Variants in DIP2C observed in about 807,000 individuals in gnomAD.
DIP2C encodes disco-interacting protein 2 homolog C.
DIP2C carries 33 observed loss-of-function variants against 192.4 expected under a neutral mutation model. That is an observed-to-expected ratio of 0.17 (90% confidence interval 0.13 to 0.23). The LOEUF (loss-of-function observed/expected upper bound fraction) is 0.23, where lower values mean the gene tolerates loss of function less well. Among genes scored for constraint, DIP2C ranks in the 10% least tolerant of loss-of-function variants. DIP2C has a pLI of 1.00. For synonymous variants in DIP2C, 979 were observed against 864.1 expected (o/e 1.13, Z -2.33); for missense variants, 1,537 against 2,110.1 (o/e 0.73, Z 5.32).
At chr10:445,397 T>C (rs969866941) in intron 3 of DIP2C, among the ~76,000 whole-genome samples, 1 of 151,550 alleles carries the variant, frequency 6.6e-6, no homozygotes, top group African/African-American at 2.4e-5. Context: ...GGCATCTGTA[T>C]ATATTGGTTG....
chr10:472,471 G>C lies in DIP2C; in HGVS notation c.236C>G (p.Ser79Cys). ...SSASRYHRRRSSGSRDERYRS... is the reference protein window; with the variant it reads ...SSASRYHRRRCSGSRDERYRS... ...ATAGCGCTCATCTCGTGACCCTGAAGACCGTCGGCGGTGGTAGCGAGAGGC... is the reference window on the plus strand; with the variant it reads ...ATAGCGCTCATCTCGTGACCCTGAACACCGTCGGCGGTGGTAGCGAGAGGC... The change falls in exon 3 of 37, where the codon TCT becomes TGT. Residue 79 changes from serine (S) to cysteine (C), a missense_variant. Ser to Cys is a moderately radical substitution (Grantham distance 112, BLOSUM62 -1). Coordinates refer to ENST00000280886, the MANE Select transcript of DIP2C (RefSeq NM_014974.3). 3 of 1,614,224 alleles carry C rather than the reference G, an allele frequency of 1.9e-6. No homozygotes were observed. The highest frequency in any genetic ancestry group is 2.5e-6 in the Non-Finnish European group (3 of 1,180,048).
intron 1 of DIP2C, among the ~76,000 whole-genome samples, chr10:646,972 G>C (rs1855485213): frequency 6.6e-6 from 1 of 152,246 alleles, no homozygotes; most frequent in South Asian, 2.1e-4. Flanking sequence ...TTTCCTGAGT[G>C]AAAGTGAAAT....
intron 10 of DIP2C, among the ~76,000 whole-genome samples, chr10:398,493 T>G (rs1212080073): frequency 1.3e-5 from 2 of 152,206 alleles, no homozygotes; most frequent in Non-Finnish European, 2.9e-5. Flanking sequence ...CATGTGTCCC[T>G]AAAATGTACG....
chr10:297,858 C>T (rs1955834032), intron 32 of DIP2C, among the ~76,000 whole-genome samples: 1 of 152,194 alleles, frequency 6.6e-6, no homozygotes, highest in Non-Finnish European at 1.5e-5. Flanking sequence ...ATATCCCGAT[C>T]TGCTAACTAC....
intron 3 of DIP2C, 92 bp from the exon 4 acceptor site, chr10:441,088 C>T (rs941454503): frequency 7.0e-7 from 1 of 1,419,234 alleles, no homozygotes; most frequent in Non-Finnish European, 9.2e-7. Context: ...CACAGTTCAT[C>T]CACCTTCTGA....
At chr10:457,040 G>GCT (rs969754929) in intron 3 of DIP2C, among the ~76,000 whole-genome samples, 2 of 152,034 alleles carry the variant, frequency 1.3e-5, no homozygotes, top group Non-Finnish European at 2.9e-5. Context: ...CCATCTCTCT[G>GCT]CTCACATATC....
chr10:671,827 C>T (rs1454595406), intron 1 of DIP2C, among the ~76,000 whole-genome samples: 13 of 132,306 alleles, frequency 9.8e-5, no homozygotes, highest in Admixed American at 2.3e-4. Flanking sequence ...GGAGGAAACG[C>T]CACAGACGCA....
chr10:345,543 TTCTCCCGGAAACCC>T (rs1342224726), intron 26 of DIP2C, among the ~76,000 whole-genome samples: 3 of 137,366 alleles, frequency 2.2e-5, no homozygotes, highest in Admixed American at 2.1e-4. Context: ...CCGCGCATAG[TTCTCCCGGAAACCC>T]CCCACACCCC....
intron 31 of DIP2C, among the ~76,000 whole-genome samples, chr10:314,108 A>G (rs1219605627): frequency 2.0e-5 from 3 of 152,218 alleles, no homozygotes; most frequent in African/African-American, 7.2e-5. Context: ...ATGGAAAGGA[A>G]AATGACACAA....
At chr10:669,697 C>T (rs952114767) in intron 1 of DIP2C, 2 of 152,210 alleles carry the variant, frequency 1.3e-5, no homozygotes, top group African/African-American at 2.4e-5. Flanking sequence ...AACTGTGGCA[C>T]CAGCTAGGGT....
At position 537,613 on chromosome 10, in the gene DIP2C, T is replaced by TCA. The variant is rs1377233172; in HGVS notation, c.86-51085_86-51084dup. Among the ~76,000 whole-genome samples, 15 of 150,790 alleles carry TCA rather than the reference T, an allele frequency of 9.9e-5. No homozygotes were observed. The South Asian group carries it at 3.2e-3, about 32-fold the overall frequency. The stretch of plus-strand genomic sequence containing the variant: ...GCCCAGGGCACCCAGGACACGGGTA[T>TCA]CACCCATGTTTCAGCCAGGCTTGTG... On this transcript the variant is annotated intron_variant, in intron 1 of 36. Coordinates refer to ENST00000280886, the MANE Select transcript of DIP2C (RefSeq NM_014974.3).
At position 340,720 on chromosome 10, in the gene DIP2C, G is replaced by C. The variant is rs898137819; in HGVS notation, c.3584+479C>G. 13 of 456,176 alleles carry C rather than the reference G, an allele frequency of 2.8e-5. No individual in the cohort carries two copies. In the East Asian group the frequency reaches 6.9e-4, roughly 24 times the overall value. The allele number at this position is 456,176 out of a possible 1,614,324, so 28.3% of individuals were successfully genotyped here. A position where few individuals can be genotyped will look rare whatever the true frequency, so the allele number is the denominator to read the frequency against. On this transcript the variant is annotated intron_variant, in intron 29 of 36. Transcript: ENST00000280886. ...GAGCACCTGCTGTAAGCCAGGCTCC[G>C]AGCCGGCTGCTGGGTAGAGTGCCGC...
At chr10:518,756 T>C (rs1423877768) in intron 1 of DIP2C, among the ~76,000 whole-genome samples, 1 of 152,202 alleles carries the variant, frequency 6.6e-6, no homozygotes, top group Non-Finnish European at 1.5e-5. Context: ...GAGACGACAA[T>C]GCTCACCGTC....
chr10:420,093 C>A (rs775967525), intron 5 of DIP2C, among the ~76,000 whole-genome samples: 2 of 152,240 alleles, frequency 1.3e-5, no homozygotes, highest in South Asian at 2.1e-4. Flanking sequence ...CACTGTCCCA[C>A]GCAACAGAAG....
rs535493435 is a variant in DIP2C, at chr10:579,165, G to A, written c.86-92635C>T. Reference sequence around the variant, plus strand: ...CGTAGAGCATACACCCAGATACAGTGTACAAACCTAAGTGCACTATAACAT... The same window carrying A: ...CGTAGAGCATACACCCAGATACAGTATACAAACCTAAGTGCACTATAACAT... On this transcript the variant is annotated intron_variant, in intron 1 of 36. Transcript: ENST00000280886. 2.0e-5 allele frequency among the ~76,000 whole-genome samples: 3 copies of A among 151,066 alleles called. No homozygotes were observed. In the South Asian group the frequency reaches 6.3e-4, roughly 32 times the overall value.
chr10:626,973 G>A (rs776858885), intron 1 of DIP2C, among the ~76,000 whole-genome samples: 1 of 152,200 alleles, frequency 6.6e-6, no homozygotes, highest in African/African-American at 2.4e-5. Flanking sequence ...TCCTAACGCA[G>A]TATCAGTGCC....
At chr10:384,309 G>A (rs1962669874) in intron 15 of DIP2C, among the ~76,000 whole-genome samples, 163 bp from the exon 16 acceptor site, 1 of 109,830 alleles carries the variant, frequency 9.1e-6, no homozygotes, top group Non-Finnish European at 1.7e-5. Flanking sequence ...TGTGATCTTG[G>A]CTCACCGCAA....
intron 1 of DIP2C, chr10:664,213 C>T (rs945599988): frequency 1.3e-5 from 2 of 152,294 alleles, no homozygotes; most frequent in African/African-American, 4.8e-5. Flanking sequence ...TATCTCCACA[C>T]AGAAACTCCC....
intron 1 of DIP2C, among the ~76,000 whole-genome samples, chr10:567,908 G>A (rs1287975396): frequency 6.6e-6 from 1 of 152,210 alleles, no homozygotes; most frequent in Non-Finnish European, 1.5e-5. Flanking sequence ...GGGATTATAG[G>A]TGTGAGCAAT....
Sources: allele counts gnomAD v4.1 joint callset (sites outside exome capture counted in the v4.1 genomes callset), GRCh38; gene constraint gnomAD v4.1.1; transcripts MANE v1.5; gene names NCBI Gene and HGNC (gene_info 2026-07-23, HGNC 2026-07-21).